SERINC5: variants seen among roughly 807,000 people sequenced by gnomAD.
SERINC5 encodes the protein serine incorporator 5, also known as chromosome 5 open reading frame 12.
A neutral mutation model predicts 63.1 loss-of-function variants in SERINC5; 41 were observed. That is an observed-to-expected ratio of 0.65 (90% CI 0.51 to 0.84). The LOEUF (loss-of-function observed/expected upper bound fraction) is 0.84, where lower values mean the gene tolerates loss of function less well. Among genes scored for constraint, SERINC5 ranks in the 40% least tolerant of loss-of-function variants. The pLI, the probability that SERINC5 is intolerant of heterozygous loss-of-function variation, is 0.00. For missense variants in SERINC5, 523 were observed against 573.0 expected, an observed-to-expected ratio of 0.91 and a Z score of 0.89; for synonymous variants, 222 against 215.2, an observed-to-expected ratio of 1.03 and a Z score of -0.28.
chr5:80,223,434 GT>G lies in SERINC5; in HGVS notation c.28-20382del, dbSNP rs1335410525. 2.6e-5 allele frequency among the ~76,000 whole-genome samples: 4 copies of G among 151,776 alleles called. No individual in the cohort carries two copies. The East Asian group carries it at 7.7e-4, about 29-fold the overall frequency. On this transcript the variant is annotated intron_variant, in intron 1 of 11. Coordinates refer to ENST00000507668, the MANE Select transcript of SERINC5 (RefSeq NM_001174072.3). ...TAATTTGTATTATTTTTATTGTTTT[GT>G]TTTTTTCCCCAAATATTTTTGATCC...
chr5:80,155,316 G>C (rs554596721), intron 8 of SERINC5, among the ~76,000 whole-genome samples: 1 of 152,238 alleles, frequency 6.6e-6, no homozygotes, highest in African/African-American at 2.4e-5. Flanking sequence ...TGTAATCCCA[G>C]CACTTTGGGA....
At chr5:80,229,254 C>A (rs7726989) in intron 1 of SERINC5, among the ~76,000 whole-genome samples, 80,269 of 151,006 alleles carry the variant, frequency 0.53, 22,606 homozygotes, top group African/African-American at 0.73. Flanking sequence ...TAACTGCTGA[C>A]CTCAAGTGAT....
At chr5:80,215,841 T>A (rs1750635091) in intron 1 of SERINC5, among the ~76,000 whole-genome samples, 1 of 152,192 alleles carries the variant, frequency 6.6e-6, no homozygotes. Flanking sequence ...TACAAAGCCA[T>A]CAGTCAGCTT....
chr5:80,152,836 G>C (rs1746273142), intron 8 of SERINC5, among the ~76,000 whole-genome samples: 1 of 152,162 alleles, frequency 6.6e-6, no homozygotes, highest in South Asian at 2.1e-4. Flanking sequence ...AGCTGCTCAG[G>C]GGGCTGAGGC....
chr5:80,138,719 ACAT>A (rs1745323535), downstream of SERINC5: 2 of 679,674 alleles, frequency 2.9e-6, no homozygotes, highest in African/African-American at 2.0e-5. Context: ...ATATTTCAAA[ACAT>A]CATGTTGCAC....
At chr5:80,245,272 C>T (rs1243346076) in intron 1 of SERINC5, among the ~76,000 whole-genome samples, 1 of 152,166 alleles carries the variant, frequency 6.6e-6, no homozygotes, top group Non-Finnish European at 1.5e-5. Flanking sequence ...ACATAAACAA[C>T]ACAACTGTGT....
Position 80,141,568 on chromosome 5 carries a change from T to C in SERINC5, c.*2095A>G. ...AAAACAATGAAACTAGTCACAATAC[T>C]GCCCAGGCTCTTTACCTGCTTCCCC... On this transcript the variant is annotated 3_prime_UTR_variant, in exon 12 of 12. Transcript: ENST00000507668. The C allele has an allele frequency of 2.0e-6, 2 of 985,494 alleles. No individual in the cohort carries two copies. The highest frequency in any genetic ancestry group is 2.4e-6 in the Non-Finnish European group (2 of 830,010). The allele number at this position is 985,494 out of a possible 1,614,324, so 61.0% of individuals were successfully genotyped here. A position where few individuals can be genotyped will look rare whatever the true frequency, so the allele number is the denominator to read the frequency against.
At chr5:80,153,175 T>C (rs1019442628) in intron 8 of SERINC5, among the ~76,000 whole-genome samples, 1 of 152,004 alleles carries the variant, frequency 6.6e-6, no homozygotes, top group Admixed American at 6.6e-5. Context: ...CTTTATTCAG[T>C]TGCCGGGCGT....
At chr5:80,228,343 G>T (rs1383881377) in intron 1 of SERINC5, among the ~76,000 whole-genome samples, 4 of 151,742 alleles carry the variant, frequency 2.6e-5, no homozygotes, top group Non-Finnish European at 5.9e-5. Flanking sequence ...AAGAAAAAAT[G>T]TATAGACACT....
chr5:80,139,787 C>T lies in SERINC5; in HGVS notation c.*3876G>A, dbSNP rs1580049161. The T allele has an allele frequency of 2.0e-6, 2 of 985,258 alleles. No individual in the cohort carries two copies. Among genetic ancestry groups the T allele is most frequent in the Non-Finnish European group, 2.4e-6 (2 of 829,938 alleles). 61.0% of individuals were successfully genotyped at this position (985,258 alleles called of 1,614,324 possible). A position where few individuals can be genotyped will look rare whatever the true frequency, so the allele number is the denominator to read the frequency against. ...CTGCATTGTCCCTGAAGAAGGAGGGCCCAGTGTTCTTTCTGGGTGTGTAAG... is the reference window on the plus strand; with the variant it reads ...CTGCATTGTCCCTGAAGAAGGAGGGTCCAGTGTTCTTTCTGGGTGTGTAAG... On this transcript the variant is annotated 3_prime_UTR_variant, in exon 12 of 12. Coordinates refer to ENST00000507668, the MANE Select transcript of SERINC5 (RefSeq NM_001174072.3).
intron 9 of SERINC5, 141 bp from the exon 10 acceptor site, chr5:80,147,425 TG>T: frequency 1.2e-6 from 1 of 849,096 alleles, no homozygotes; most frequent in African/African-American, 1.7e-5. Flanking sequence ...TGCTGGGTGT[TG>T]GTGACAGGAA....
At chr5:80,152,101 C>G (rs951429052) in intron 8 of SERINC5, among the ~76,000 whole-genome samples, 3 of 152,218 alleles carry the variant, frequency 2.0e-5, no homozygotes, top group Non-Finnish European at 2.9e-5. Flanking sequence ...GCATGCTAAT[C>G]CAGGCCCATG....
chr5:80,173,225 A>AGAAGGAAGGAAGGAAG (rs58622143), intron 5 of SERINC5, among the ~76,000 whole-genome samples: 88 of 137,846 alleles, frequency 6.4e-4, no homozygotes, highest in African/African-American at 1.7e-3. Flanking sequence ...CAGGAAGGAA[A>AGAAGGAAGGAAGGAAG]GAAGGAAGGA....
At position 80,139,984 on chromosome 5, in the gene SERINC5, G is replaced by A; in HGVS notation, c.*3679C>T. The A allele has an allele frequency of 2.0e-6, 2 of 985,378 alleles. No individual in the cohort carries two copies. Among genetic ancestry groups the A allele is most frequent in the Non-Finnish European group, 2.4e-6 (2 of 829,906 alleles). 61.0% of individuals were successfully genotyped at this position (985,378 alleles called of 1,614,324 possible). On this transcript the variant is annotated 3_prime_UTR_variant, in exon 12 of 12. Transcript: ENST00000507668. ...ACAGGCTCTGGAATTTCCTTCGCAG[G>A]AAGGTGAAGCACCAATGATGGCAAA...
intron 2 of SERINC5, among the ~76,000 whole-genome samples, chr5:80,180,751 A>G (rs1419644547): frequency 6.6e-6 from 1 of 152,196 alleles, no homozygotes; most frequent in Non-Finnish European, 1.5e-5. Context: ...TCAAAAAGGG[A>G]GTAAAGGAAG....
intron 1 of SERINC5, among the ~76,000 whole-genome samples, chr5:80,213,281 CCAT>C (rs1301283358): frequency 2.7e-5 from 4 of 150,136 alleles, no homozygotes; most frequent in Admixed American, 2.6e-4. Flanking sequence ...CTTACTGAAT[CCAT>C]CATAATATTA....
chr5:80,115,320 A>T (rs1221795102), intron 11 of SERINC5, among the ~76,000 whole-genome samples: 2 of 152,032 alleles, frequency 1.3e-5, no homozygotes, highest in Non-Finnish European at 2.9e-5. Context: ...CCCACCCAGG[A>T]ACCAGACCTA....
intron 1 of SERINC5, among the ~76,000 whole-genome samples, chr5:80,247,282 G>A (rs1752206993): frequency 6.6e-6 from 1 of 152,164 alleles, no homozygotes; most frequent in African/African-American, 2.4e-5. Flanking sequence ...AAAATACCTG[G>A]AAAACTGGAA....
Position 80,118,552 on chromosome 5 carries a change from T to A in SERINC5, c.1239-4927A>T, listed in dbSNP as rs535693089. 7.2e-5 allele frequency among the ~76,000 whole-genome samples: 11 copies of A among 151,956 alleles called. No homozygotes were observed. In the East Asian group the frequency reaches 2.1e-3, roughly 29 times the overall value. On this transcript the variant is annotated intron_variant, in intron 11 of 12. Transcript: ENST00000509193. ...TATAAGGCTTCTAGTCTCTTTTTTTTCTTTCTTTCTTTTGAGACAGGGTCT... is the reference window on the plus strand; with the variant it reads ...TATAAGGCTTCTAGTCTCTTTTTTTACTTTCTTTCTTTTGAGACAGGGTCT...
Sources: gnomAD v4.1 joint callset for allele counts (sites outside exome capture counted in the v4.1 genomes callset) on GRCh38, gnomAD v4.1.1 for gene constraint, MANE v1.5 for transcripts, NCBI Gene and HGNC (gene_info 2026-07-23, HGNC 2026-07-21) for gene names.